Variants in CBLB observed in about 807,000 individuals in gnomAD.
CBLB encodes the protein E3 ubiquitin-protein ligase CBL-B.
A neutral mutation model predicts 104.9 loss-of-function variants in CBLB; 31 were observed. The ratio of observed to expected loss-of-function variants is 0.30; its 90% CI spans 0.22 to 0.40. CBLB has a LOEUF of 0.40. CBLB is among the 10% of genes least tolerant of loss of function. The pLI is 1.00. For missense variants in CBLB, 1,062 were observed against 1,214.6 expected (o/e 0.87, Z 1.87); for synonymous variants, 440 against 422.6 (o/e 1.04, Z -0.51).
In CBLB at chr3:105,824,552, T is replaced by C. The variant is rs115858618; in HGVS notation, c.419+28862A>G. On this transcript the variant is annotated intron_variant, in intron 3 of 18. Coordinates refer to ENST00000394030, the MANE Select transcript of CBLB (RefSeq NM_170662.5). The stretch of plus-strand genomic sequence containing the variant: ...CTGTGGAGTAGAGTCAGCCTGACTT[T>C]AGCGAATTGCAATCTCCCCACTCTG... Among the ~76,000 whole-genome samples, 610 of 152,236 alleles carry C rather than the reference T, an allele frequency of 4.0e-3. 8 individuals carry two copies. The highest frequency in any genetic ancestry group is 0.014 in the African/African-American group (584 of 41,554).
intron 2 of CBLB, among the ~76,000 whole-genome samples, chr3:105,860,421 A>T (rs1042369932): frequency 9.9e-5 from 15 of 152,148 alleles, no homozygotes; most frequent in African/African-American, 3.6e-4. Flanking sequence ...TGGAAAAAGG[A>T]AGCATCATAT....
intron 3 of CBLB, among the ~76,000 whole-genome samples, chr3:105,844,415 C>G (rs1347444729): frequency 2.0e-5 from 3 of 152,206 alleles, no homozygotes; most frequent in Admixed American, 2.0e-4. Context: ...CAAAGTAATA[C>G]ATTTCAATAG....
intron 3 of CBLB, among the ~76,000 whole-genome samples, chr3:105,822,157 A>G (rs2085961210): frequency 6.6e-6 from 1 of 152,190 alleles, no homozygotes. Context: ...TATGGTGCAC[A>G]CACACACATA....
At chr3:105,723,890 A>G (rs80040728) in intron 9 of CBLB, 3,535 of 154,026 alleles carry the variant, frequency 0.023, 94 homozygotes, top group East Asian at 0.12. Flanking sequence ...CCACATATGT[A>G]ATATACATCA....
intron 3 of CBLB, among the ~76,000 whole-genome samples, chr3:105,798,668 T>A (rs1392043170): frequency 6.6e-6 from 1 of 152,218 alleles, no homozygotes; most frequent in South Asian, 2.1e-4. Flanking sequence ...CAGAACCAGA[T>A]GTTAAATATT....
intron 12 of CBLB, among the ~76,000 whole-genome samples, chr3:105,700,470 AG>A (rs1399498904): frequency 2.0e-5 from 3 of 150,892 alleles, no homozygotes; most frequent in African/African-American, 7.3e-5. Context: ...GTAAAGCTAA[AG>A]GGGGAAAAAA....
At chr3:105,757,102 C>T (rs2077154060) in intron 4 of CBLB, among the ~76,000 whole-genome samples, 1 of 152,122 alleles carries the variant, frequency 6.6e-6, no homozygotes, top group Non-Finnish European at 1.5e-5. Flanking sequence ...ATGCTAATAC[C>T]ATGCCTGTAC....
intron 9 of CBLB, among the ~76,000 whole-genome samples, chr3:105,721,843 A>G (rs1429403229): frequency 6.6e-6 from 1 of 152,154 alleles, no homozygotes; most frequent in East Asian, 1.9e-4. Flanking sequence ...TATTAAATTT[A>G]AAGTCATATT....
chr3:105,664,967 G>C (rs1202879201), intron 18 of CBLB, among the ~76,000 whole-genome samples: 1 of 152,060 alleles, frequency 6.6e-6, no homozygotes, highest in Admixed American at 6.6e-5. Flanking sequence ...ATGATGATGG[G>C]ATAACAACAT....
chr3:105,763,280 T>C (rs759289303), intron 4 of CBLB, among the ~76,000 whole-genome samples: 4 of 152,092 alleles, frequency 2.6e-5, no homozygotes, highest in Non-Finnish European at 4.4e-5. Flanking sequence ...AGTTAAGACT[T>C]TGGGGGATTG....
intron 3 of CBLB, among the ~76,000 whole-genome samples, chr3:105,788,642 G>T (rs1242100145): frequency 6.6e-6 from 1 of 152,074 alleles, no homozygotes; most frequent in African/African-American, 2.4e-5. Flanking sequence ...AACATACATT[G>T]TAAAAGTACT....
Position 105,657,542 on chromosome 3 carries a change from A to G in CBLB, c.*1428T>C, listed in dbSNP as rs1386600194. On this transcript the variant is annotated 3_prime_UTR_variant, in exon 19 of 19. Coordinates refer to ENST00000394030, the MANE Select transcript of CBLB (RefSeq NM_170662.5). ...AGACAGACTTTGTCATAAAAAACACAGAAAAACAAAAATAAAACATTACGC... is the reference window on the plus strand; with the variant it reads ...AGACAGACTTTGTCATAAAAAACACGGAAAAACAAAAATAAAACATTACGC... 1 of 206,348 alleles carries G rather than the reference A, an allele frequency of 4.8e-6. No homozygotes were observed. Among genetic ancestry groups the G allele is most frequent in the Non-Finnish European group, 9.9e-6 (1 of 100,956 alleles). The allele number at this position is 206,348 out of a possible 1,614,324, so 12.8% of individuals were successfully genotyped here. A position where few individuals can be genotyped will look rare whatever the true frequency, so the allele number is the denominator to read the frequency against.
In CBLB at chr3:105,656,229, C is replaced by A. The variant is rs2063333675; in HGVS notation, c.*2741G>T. On this transcript the variant is annotated 3_prime_UTR_variant, in exon 19 of 19. Coordinates refer to ENST00000394030, the MANE Select transcript of CBLB (RefSeq NM_170662.5). Reference sequence around the variant, plus strand: ...GTTGGGTGAGAAGGGTTGATATTGGCCACATATCAGTAAGTTAATTTGTCT... The same window carrying A: ...GTTGGGTGAGAAGGGTTGATATTGGACACATATCAGTAAGTTAATTTGTCT... 2 of 214,478 alleles carry A rather than the reference C, an allele frequency of 9.3e-6. No individual in the cohort carries two copies. The highest frequency in any genetic ancestry group is 1.9e-5 in the Non-Finnish European group (2 of 106,248). 13.3% of individuals were successfully genotyped at this position (214,478 alleles called of 1,614,324 possible).
chr3:105,834,984 C>G (rs1447314604), intron 3 of CBLB, among the ~76,000 whole-genome samples: 1 of 152,188 alleles, frequency 6.6e-6, no homozygotes, highest in African/African-American at 2.4e-5. Flanking sequence ...GGTGTACAAA[C>G]TATGTAACAT....
intron 7 of CBLB, among the ~76,000 whole-genome samples, chr3:105,739,207 C>T (rs1337174681): frequency 6.6e-6 from 1 of 152,138 alleles, no homozygotes; most frequent in East Asian, 1.9e-4. Context: ...ACCACTCCCA[C>T]CCAAAAGCTC....
rs2152654064 is a variant in CBLB, at chr3:105,657,121, T to C, written c.*1849A>G. The C allele has an allele frequency of 4.5e-6, 1 of 224,476 alleles. No homozygotes were observed. Among genetic ancestry groups the C allele is most frequent in the Non-Finnish European group, 8.9e-6 (1 of 112,542 alleles). 13.9% of individuals were successfully genotyped at this position (224,476 alleles called of 1,614,324 possible). On this transcript the variant is annotated 3_prime_UTR_variant, in exon 19 of 19. Transcript: ENST00000394030. ...CCAAGGCCTGTGAGTCCTCATCTCA[T>C]ACCATGAAAGCCAGACTGTCAAAAA...
intron 3 of CBLB, among the ~76,000 whole-genome samples, chr3:105,807,126 TTA>T (rs1209097655): frequency 6.6e-6 from 1 of 152,182 alleles, no homozygotes; most frequent in African/African-American, 2.4e-5. Flanking sequence ...TAGAATACCA[TTA>T]TATGAAAGGA....
chr3:105,778,881 G>C (rs1041851068), intron 3 of CBLB, among the ~76,000 whole-genome samples: 1 of 152,092 alleles, frequency 6.6e-6, no homozygotes, highest in Non-Finnish European at 1.5e-5. Context: ...AAAGTAAACT[G>C]TTTTACTATA....
At chr3:105,744,254 CAT>C (rs144755592) in intron 6 of CBLB, among the ~76,000 whole-genome samples, 11,567 of 152,190 alleles carry the variant, frequency 0.076, 630 homozygotes, top group Admixed American at 0.16. Flanking sequence ...AAATAACTCA[CAT>C]GTTAAATTTT....
Sources: gnomAD v4.1 joint callset for allele counts (sites outside exome capture counted in the v4.1 genomes callset) on GRCh38, gnomAD v4.1.1 for gene constraint, MANE v1.5 for transcripts, NCBI Gene and HGNC (gene_info 2026-07-23, HGNC 2026-07-21) for gene names.